CSE1L: variants seen among roughly 807,000 people sequenced by gnomAD.
The protein encoded by CSE1L is exportin-2.
Under a neutral mutation model 120.4 loss-of-function variants are expected in CSE1L, and 24 were observed. The observed-to-expected ratio is 0.20, with a 90% CI of 0.14 to 0.28. CSE1L has a LOEUF of 0.28. Among genes scored for constraint, CSE1L ranks in the 10% least tolerant of loss-of-function variants. CSE1L has a pLI of 1.00. For missense variants in CSE1L, 830 were observed against 1,145.2 expected (o/e 0.72, Z 3.97); for synonymous variants, 402 against 398.3 (o/e 1.01, Z -0.11).
chr20:49,069,864 A>G (rs1157556932), intron 7 of CSE1L, among the ~76,000 whole-genome samples: 2 of 152,220 alleles, frequency 1.3e-5, no homozygotes, highest in Non-Finnish European at 2.9e-5. Context: ...GTCATCTTAC[A>G]ATAAACGTAG....
chr20:49,065,565 C>T (rs1055135580), intron 3 of CSE1L, among the ~76,000 whole-genome samples: 5 of 137,476 alleles, frequency 3.6e-5, no homozygotes, highest in Admixed American at 2.4e-4. Context: ...AGTGAGCCAT[C>T]GCACCTGGCC....
chr20:49,054,079 C>A (rs2091788708), intron 1 of CSE1L, among the ~76,000 whole-genome samples: 1 of 152,152 alleles, frequency 6.6e-6, no homozygotes. Context: ...TATAAAAAAC[C>A]ATAAAGGGTA....
intron 10 of CSE1L, 94 bp from the exon 11 acceptor site, chr20:49,074,691 A>G: frequency 1.1e-6 from 1 of 950,062 alleles, no homozygotes; most frequent in South Asian, 1.7e-5. Context: ...TTTGCTGTAG[A>G]ACAAGGCAGT....
At chr20:49,079,094 T>C (rs560020093) in intron 14 of CSE1L, among the ~76,000 whole-genome samples, 5 of 152,212 alleles carry the variant, frequency 3.3e-5, no homozygotes, top group Non-Finnish European at 7.3e-5. Context: ...GGTTTCCCCA[T>C]GTTGACCAGG....
At chr20:49,073,792 TTG>T (rs1453216673) in intron 10 of CSE1L, among the ~76,000 whole-genome samples, 1 of 152,122 alleles carries the variant, frequency 6.6e-6, no homozygotes, top group Non-Finnish European at 1.5e-5. Context: ...GGCCAAGATT[TTG>T]TTTTATATCA....
intron 14 of CSE1L, among the ~76,000 whole-genome samples, chr20:49,080,316 C>T (rs1351852132): frequency 1.3e-5 from 2 of 148,664 alleles, no homozygotes; most frequent in African/African-American, 5.0e-5. Context: ...TGGGTTCACG[C>T]CATTCTCCTG....
intron 17 of CSE1L, 120 bp from the exon 18 acceptor site, chr20:49,089,127 A>AT: frequency 1.2e-6 from 1 of 854,954 alleles, no homozygotes; most frequent in Non-Finnish European, 1.7e-6. Context: ...CTAGGGTATA[A>AT]TTGGTGTTTT....
intron 16 of CSE1L, 112 bp downstream of exon 16, chr20:49,085,498 C>A: frequency 3.9e-6 from 2 of 511,068 alleles, no homozygotes; most frequent in South Asian, 2.8e-5. Context: ...TAATGTTTAC[C>A]AAGTAGTAAG....
At chr20:49,058,360 G>T in intron 1 of CSE1L, 93 bp from the exon 2 acceptor site, 1 of 843,096 alleles carries the variant, frequency 1.2e-6, no homozygotes. Flanking sequence ...ATGACTTTCA[G>T]AGAGAATAAC....
Position 49,096,633 on chromosome 20 carries a change from G to C in CSE1L, c.*195G>C, listed in dbSNP as rs2092143450. 3.4e-6 allele frequency: 2 copies of C among 594,236 alleles called. No individual in the cohort carries two copies. The highest frequency in any genetic ancestry group is 6.0e-6 in the Non-Finnish European group (2 of 334,972). The allele number at this position is 594,236 out of a possible 1,614,324, so 36.8% of individuals were successfully genotyped here. On this transcript the variant is annotated 3_prime_UTR_variant, in exon 25 of 25. Transcript: ENST00000262982. The stretch of plus-strand genomic sequence containing the variant: ...TTTGTGTGATCATACAGTTATGTGG[G>C]TGGCTTCTAGTTTGCAACTTCAAGG...
chr20:49,087,956 A>G (rs1372465426), intron 16 of CSE1L, 53 bp from the exon 17 acceptor site: 1 of 1,253,098 alleles, frequency 8.0e-7, no homozygotes, highest in Non-Finnish European at 1.1e-6. Flanking sequence ...TCGCTCTCTT[A>G]TTCTGAAGTT....
chr20:49,047,678 G>A (rs975705046), intron 1 of CSE1L, among the ~76,000 whole-genome samples: 1 of 139,710 alleles, frequency 7.2e-6, no homozygotes, highest in South Asian at 2.4e-4. Flanking sequence ...CCGGATTCAA[G>A]CGATTCTCCT....
chr20:49,064,194 C>T (rs536152302), intron 3 of CSE1L, among the ~76,000 whole-genome samples: 1 of 152,108 alleles, frequency 6.6e-6, no homozygotes, highest in Non-Finnish European at 1.5e-5. Context: ...ATTGAGAAAG[C>T]CTGGCTCATG....
intron 1 of CSE1L, among the ~76,000 whole-genome samples, chr20:49,055,123 T>G (rs1391738663): frequency 6.6e-6 from 1 of 152,234 alleles, no homozygotes; most frequent in East Asian, 1.9e-4. Flanking sequence ...CCAGTGGGGC[T>G]TGGGGTAGCA....
rs568326203 is a variant in CSE1L at position 49,054,979 on chromosome 20, A to G, written c.-11-3474A>G. On this transcript the variant is annotated intron_variant, in intron 1 of 24. Coordinates refer to ENST00000262982, the MANE Select transcript of CSE1L (RefSeq NM_001316.4). The stretch of plus-strand genomic sequence containing the variant: ...CTGGGAAACTCTTGGATGGCCACAT[A>G]ACCCCGTGACTCCCTTCTTAATTTT... Among the ~76,000 whole-genome samples the G allele has an allele frequency of 3.9e-5, 6 of 152,372 alleles. No individual in the cohort carries two copies. The East Asian group carries it at 9.6e-4, about 24-fold the overall frequency.
intron 2 of CSE1L, among the ~76,000 whole-genome samples, chr20:49,061,596 G>C (rs978139520): frequency 1.3e-5 from 2 of 151,172 alleles, no homozygotes; most frequent in Non-Finnish European, 2.9e-5. Flanking sequence ...TCCACCTCCC[G>C]GGTTCACCCC....
intron 14 of CSE1L, among the ~76,000 whole-genome samples, chr20:49,082,633 C>T (rs1031021153): frequency 1.3e-5 from 2 of 152,208 alleles, no homozygotes; most frequent in African/African-American, 4.8e-5. Flanking sequence ...CATTCTCCTG[C>T]CTCAGCCTCG....
chr20:49,057,476 A>G (rs1296228109), intron 1 of CSE1L, among the ~76,000 whole-genome samples: 5 of 135,876 alleles, frequency 3.7e-5, no homozygotes, highest in Non-Finnish European at 6.2e-5. Flanking sequence ...TTTTTTTAAG[A>G]CAGGTCTTGC....
At chr20:49,077,473 A>G (rs931864542) in intron 13 of CSE1L, among the ~76,000 whole-genome samples, 1 of 152,010 alleles carries the variant, frequency 6.6e-6, no homozygotes, top group Non-Finnish European at 1.5e-5. Flanking sequence ...TATTTCTTTT[A>G]TTGAATAAAA....
Sources: allele counts gnomAD v4.1 joint callset (sites outside exome capture counted in the v4.1 genomes callset), GRCh38; gene constraint gnomAD v4.1.1; transcripts MANE v1.5; gene names NCBI Gene and HGNC (gene_info 2026-07-23, HGNC 2026-07-21).